The following NDUFS4 variants were observed in gnomAD, a reference collection of about 807,000 sequenced individuals.
The protein encoded by NDUFS4 is NADH:ubiquinone oxidoreductase subunit S4, also known as NADH dehydrogenase [ubiquinone] iron-sulfur protein 4, mitochondrial.
In NDUFS4, 28 loss-of-function variants were observed where a neutral mutation model predicts 24.3. The ratio of observed to expected loss-of-function variants is 1.15; its 90% CI spans 0.85 to 1.58. The LOEUF is 1.58. Among genes scored for constraint, NDUFS4 ranks in the 40% most tolerant of loss-of-function variants. NDUFS4 has a pLI of 0.00. For missense variants in NDUFS4, 223 were observed against 207.9 expected (o/e 1.07, Z -0.45); for synonymous variants, 93 against 69.7 (o/e 1.34, Z -1.67).
chr5:53,580,553 A>T (rs1351974892), intron 1 of NDUFS4, among the ~76,000 whole-genome samples: 1 of 152,210 alleles, frequency 6.6e-6, no homozygotes, highest in Non-Finnish European at 1.5e-5. Flanking sequence ...TAACCAAGAC[A>T]TCCTCATCTT....
chr5:53,652,886 C>G (rs1752057038), intron 3 of NDUFS4, among the ~76,000 whole-genome samples: 1 of 151,390 alleles, frequency 6.6e-6, no homozygotes, highest in Non-Finnish European at 1.5e-5. Flanking sequence ...CATGACTTAT[C>G]CTTGTTTAAT....
intron 2 of NDUFS4, among the ~76,000 whole-genome samples, chr5:53,604,117 G>A (rs1160783121): frequency 6.6e-6 from 1 of 152,144 alleles, no homozygotes; most frequent in Non-Finnish European, 1.5e-5. Context: ...ATATTTTAGA[G>A]TGTGGTCTGT....
At chr5:53,628,813 T>TA (rs1751310000) in intron 2 of NDUFS4, among the ~76,000 whole-genome samples, 2 of 152,118 alleles carry the variant, frequency 1.3e-5, no homozygotes, top group African/African-American at 2.4e-5. Flanking sequence ...TTGATCTTTT[T>TA]AAAAAACCAG....
chr5:53,637,133 A>G (rs1455015786), intron 2 of NDUFS4, among the ~76,000 whole-genome samples: 4 of 152,188 alleles, frequency 2.6e-5, no homozygotes, highest in Non-Finnish European at 5.9e-5. Flanking sequence ...AAGCCTCTCG[A>G]GACTAGAAGG....
At chr5:53,663,802 T>A (rs905454169) in intron 4 of NDUFS4, among the ~76,000 whole-genome samples, 2 of 152,198 alleles carry the variant, frequency 1.3e-5, no homozygotes, top group Non-Finnish European at 2.9e-5. Flanking sequence ...CCAGTCTGTA[T>A]CTTTTAATTG....
chr5:53,596,081 G>A (rs1750124289), intron 1 of NDUFS4, among the ~76,000 whole-genome samples: 1 of 152,070 alleles, frequency 6.6e-6, no homozygotes, highest in African/African-American at 2.4e-5. Context: ...TTTAAACAAA[G>A]CATTTGTGGG....
chr5:53,565,863 T>C (rs1749003683), intron 1 of NDUFS4, among the ~76,000 whole-genome samples: 1 of 150,596 alleles, frequency 6.6e-6, no homozygotes, highest in Admixed American at 6.6e-5. Context: ...TAAGAGTAAC[T>C]ATGCGAAGTT....
chr5:53,657,934 A>AAC lies in NDUFS4; in HGVS notation c.351-616_351-615insCA, dbSNP rs1554060115. ...AGTGAGAGTCCATCTCAAAAAAAAA[A>AAC]AAAAAAAAGAATAAAAGTGACATTT... On this transcript the variant is annotated intron_variant, in intron 3 of 4. Coordinates refer to ENST00000296684, the MANE Select transcript of NDUFS4 (RefSeq NM_002495.4). Among the ~76,000 whole-genome samples the AAC allele has an allele frequency of 8.6e-5, 13 of 151,216 alleles. No individual in the cohort carries two copies. In the East Asian group the frequency reaches 9.8e-4, roughly 11 times the overall value.
intron 2 of NDUFS4, among the ~76,000 whole-genome samples, chr5:53,612,778 CTGTA>C (rs1284217937): frequency 6.6e-6 from 1 of 152,076 alleles, no homozygotes; most frequent in Non-Finnish European, 1.5e-5. Context: ...GTTAGAATGT[CTGTA>C]AGCAGCAGCA....
At chr5:53,580,839 CCTT>C (rs1314189909) in intron 1 of NDUFS4, among the ~76,000 whole-genome samples, 1 of 139,874 alleles carries the variant, frequency 7.1e-6, no homozygotes, top group Non-Finnish European at 1.6e-5. Flanking sequence ...TCTTTTCTTT[CCTT>C]CTTTCTTTCT....
intron 2 of NDUFS4, among the ~76,000 whole-genome samples, chr5:53,606,013 C>CAA (rs11329751): frequency 5.8e-4 from 45 of 76,972 alleles, no homozygotes; most frequent in Middle Eastern, 9.8e-3. Flanking sequence ...GACTCCGTCT[C>CAA]AAAAAAAAAA....
At chr5:53,569,240 G>A (rs1749137918) in intron 1 of NDUFS4, among the ~76,000 whole-genome samples, 1 of 149,384 alleles carries the variant, frequency 6.7e-6, no homozygotes, top group African/African-American at 2.6e-5. Flanking sequence ...ACTTAGACAT[G>A]TGTAATTTGA....
intron 2 of NDUFS4, among the ~76,000 whole-genome samples, chr5:53,609,389 A>G (rs952882599): frequency 2.0e-5 from 3 of 152,180 alleles, no homozygotes; most frequent in African/African-American, 7.2e-5. Flanking sequence ...ATATTTTGAA[A>G]ATAATCTTTT....
chr5:53,572,348 G>A (rs1297630404), intron 1 of NDUFS4, among the ~76,000 whole-genome samples: 1 of 152,124 alleles, frequency 6.6e-6, no homozygotes, highest in Non-Finnish European at 1.5e-5. Context: ...GAGAAGAAGG[G>A]ATGGGGGAAG....
intron 2 of NDUFS4, among the ~76,000 whole-genome samples, chr5:53,618,589 G>C (rs1457335969): frequency 6.6e-6 from 1 of 152,196 alleles, no homozygotes; most frequent in East Asian, 1.9e-4. Flanking sequence ...CTAACAGCCT[G>C]TGGCACTAAT....
chr5:53,635,833 C>T (rs1173186903), intron 2 of NDUFS4, among the ~76,000 whole-genome samples: 3 of 151,898 alleles, frequency 2.0e-5, no homozygotes, highest in African/African-American at 7.2e-5. Flanking sequence ...ATAGATTTTT[C>T]TTATTTGGGG....
intron 4 of NDUFS4, among the ~76,000 whole-genome samples, chr5:53,671,780 T>G (rs976803902): frequency 6.6e-6 from 1 of 152,134 alleles, no homozygotes; most frequent in Non-Finnish European, 1.5e-5. Flanking sequence ...AAGACTAGAA[T>G]CTACTACCAT....
chr5:53,675,331 T>A (rs1419831294), intron 4 of NDUFS4, among the ~76,000 whole-genome samples: 4 of 151,672 alleles, frequency 2.6e-5, no homozygotes, highest in Non-Finnish European at 4.4e-5. Flanking sequence ...CCCAGCTAAT[T>A]TTTTGTATTT....
intron 1 of NDUFS4, among the ~76,000 whole-genome samples, chr5:53,601,482 C>G (rs554588829): frequency 1.3e-5 from 2 of 152,158 alleles, no homozygotes; most frequent in East Asian, 3.9e-4. Flanking sequence ...AGGACATAAT[C>G]GTTTTAAGTT....
Sources: gnomAD v4.1 joint callset for allele counts (sites outside exome capture counted in the v4.1 genomes callset) on GRCh38, gnomAD v4.1.1 for gene constraint, MANE v1.5 for transcripts, NCBI Gene and HGNC (gene_info 2026-07-23, HGNC 2026-07-21) for gene names.